Variants in DPP10 observed in about 807,000 individuals in gnomAD.
DPP10 encodes the protein inactive dipeptidyl peptidase 10.
In DPP10, 33 loss-of-function variants were observed where a neutral mutation model predicts 120.9. The ratio of observed to expected loss-of-function variants is 0.27; its 90% CI spans 0.21 to 0.37. DPP10 has a LOEUF of 0.37. Ranked by LOEUF, DPP10 falls within the 10% of genes least tolerant of loss-of-function variation. The pLI is 1.00. For missense variants in DPP10, 816 were observed against 942.8 expected (o/e 0.87, Z 1.76); for synonymous variants, 337 against 326.1 (o/e 1.03, Z -0.36).
At chr2:115,321,395 C>T (rs7605036) in intron 2 of DPP10, among the ~76,000 whole-genome samples, 119,606 of 152,082 alleles carry the variant, frequency 0.79, 47,300 homozygotes, top group Non-Finnish European at 0.83. Context: ...TCCTGTTAAA[C>T]TTATTGAGAA....
chr2:115,511,731 C>CTTCT (rs1553436011), intron 4 of DPP10, among the ~76,000 whole-genome samples: 59 of 82,608 alleles, frequency 7.1e-4, no homozygotes, highest in African/African-American at 1.9e-3. Context: ...TCTTCTTCTT[C>CTTCT]TTTTTTTTTT....
At chr2:115,077,760 T>C (rs568862386) in intron 1 of DPP10, among the ~76,000 whole-genome samples, 1 of 152,356 alleles carries the variant, frequency 6.6e-6, no homozygotes, top group East Asian at 1.9e-4. Context: ...CCATCAAGAT[T>C]TCCCTGACTC....
At chr2:114,505,326 T>C (rs1319781405) in intron 1 of DPP10, among the ~76,000 whole-genome samples, 27 of 152,030 alleles carry the variant, frequency 1.8e-4, no homozygotes, top group Admixed American at 1.8e-3. Context: ...TGGGGAAAAC[T>C]AGTAGAAGAT....
chr2:115,166,525 A>ATT (rs2052870990), intron 1 of DPP10, among the ~76,000 whole-genome samples: 2 of 139,040 alleles, frequency 1.4e-5, no homozygotes, highest in African/African-American at 2.7e-5. Flanking sequence ...TATAATATAA[A>ATT]TATATATATA....
rs544267863 is a variant in DPP10 at position 115,474,701 on chromosome 2, G to A, written c.272-24809G>A. On this transcript the variant is annotated intron_variant, in intron 3 of 25. Transcript: ENST00000410059. ...AAGAAAAACAGAGTGTAAAAGATTG[G>A]ACAATCTGCACCCTGACCATGTGAT... Among the ~76,000 whole-genome samples, 4 of 148,682 alleles carry A rather than the reference G, an allele frequency of 2.7e-5. No homozygotes were observed. In the South Asian group the frequency reaches 8.6e-4, roughly 32 times the overall value.
intron 1 of DPP10, among the ~76,000 whole-genome samples, chr2:115,031,969 A>C (rs1440066341): frequency 6.6e-6 from 1 of 152,182 alleles, no homozygotes; most frequent in African/African-American, 2.4e-5. Flanking sequence ...GTTTACTATG[A>C]TGGTTGAACA....
At chr2:114,914,636 T>C (rs142710092) in intron 1 of DPP10, among the ~76,000 whole-genome samples, 2 of 152,260 alleles carry the variant, frequency 1.3e-5, no homozygotes, top group Non-Finnish European at 2.9e-5. Flanking sequence ...AAAGCTACTG[T>C]ACAATAAAGT....
At chr2:114,986,000 A>G (rs1700370866) in intron 1 of DPP10, among the ~76,000 whole-genome samples, 1 of 152,228 alleles carries the variant, frequency 6.6e-6, no homozygotes, top group South Asian at 2.1e-4. Context: ...CAGATTAACT[A>G]AAGATATACT....
At position 115,244,372 on chromosome 2, in the gene DPP10, C is replaced by CAAAATATTT. The variant is rs989701521; in HGVS notation, c.61-64866_61-64858dup. On this transcript the variant is annotated intron_variant, in intron 1 of 25. Transcript: ENST00000410059. The stretch of plus-strand genomic sequence containing the variant: ...TGCTATAGTTAAGCCATAATCATAG[C>CAAAATATTT]AAAATATTTCACCAAGATGAAAGGA... 6.6e-5 allele frequency among the ~76,000 whole-genome samples: 10 copies of CAAAATATTT among 150,676 alleles called. No homozygotes were observed. The East Asian group carries it at 2.0e-3, about 29-fold the overall frequency.
chr2:114,618,233 G>T (rs1693823013), intron 1 of DPP10, among the ~76,000 whole-genome samples: 1 of 151,978 alleles, frequency 6.6e-6, no homozygotes, highest in African/African-American at 2.4e-5. Flanking sequence ...AATGTCTCAT[G>T]CTTGTCATGT....
intron 1 of DPP10, among the ~76,000 whole-genome samples, chr2:115,236,826 C>G (rs1048023615): frequency 2.6e-5 from 4 of 152,120 alleles, no homozygotes; most frequent in Admixed American, 1.3e-4. Flanking sequence ...CTCATGGAGA[C>G]TAAGTAAGTT....
At position 115,299,680 on chromosome 2, in the gene DPP10, C is replaced by T. The variant is rs147223416; in HGVS notation, c.61-9559C>T. 2.0e-4 allele frequency among the ~76,000 whole-genome samples: 30 copies of T among 151,998 alleles called. 2 individuals carry two copies. The East Asian group carries it at 4.3e-3, about 22-fold the overall frequency. On this transcript the variant is annotated intron_variant, in intron 1 of 25. Transcript: ENST00000410059. The stretch of plus-strand genomic sequence containing the variant: ...TGTTTGTGTGCATGCAACATTTTTC[C>T]GTGAAATATAGTTTTGCTTCTGTAT...
At chr2:114,562,586 T>A (rs1318519604) in intron 1 of DPP10, among the ~76,000 whole-genome samples, 1 of 152,200 alleles carries the variant, frequency 6.6e-6, no homozygotes, top group Non-Finnish European at 1.5e-5. Context: ...CTCTAGCCCA[T>A]TTTACAGCCT....
intron 1 of DPP10, among the ~76,000 whole-genome samples, chr2:115,109,521 C>T (rs762477890): frequency 3.4e-5 from 5 of 147,760 alleles, no homozygotes; most frequent in Non-Finnish European, 5.9e-5. Context: ...GGCAACAGAG[C>T]GAGACTCCGT....
chr2:115,484,825 A>T (rs2075667787), intron 3 of DPP10, among the ~76,000 whole-genome samples: 1 of 152,168 alleles, frequency 6.6e-6, no homozygotes, highest in African/African-American at 2.4e-5. Flanking sequence ...AGCAATAAAT[A>T]GTCCTTTAGT....
At chr2:115,044,861 A>G (rs1704942704) in intron 1 of DPP10, among the ~76,000 whole-genome samples, 1 of 152,158 alleles carries the variant, frequency 6.6e-6, no homozygotes, top group Non-Finnish European at 1.5e-5. Context: ...CAAATAAGTG[A>G]CAGCATGCAG....
chr2:114,526,133 A>T (rs1685480051), intron 1 of DPP10, among the ~76,000 whole-genome samples: 1 of 152,196 alleles, frequency 6.6e-6, no homozygotes, highest in Non-Finnish European at 1.5e-5. Flanking sequence ...GATTGTGAAC[A>T]ATGCTTATTC....
At chr2:115,243,843 A>C (rs1379999543) in intron 1 of DPP10, among the ~76,000 whole-genome samples, 1 of 151,750 alleles carries the variant, frequency 6.6e-6, no homozygotes, top group African/African-American at 2.4e-5. Context: ...AGTGTTTTCA[A>C]ATATTGTTTA....
intron 1 of DPP10, among the ~76,000 whole-genome samples, chr2:115,073,796 A>C (rs1707565085): frequency 6.6e-6 from 1 of 152,216 alleles, no homozygotes; most frequent in South Asian, 2.1e-4. Context: ...ATGAAAGATA[A>C]TCTGTGTAGG....
Sources: allele counts gnomAD v4.1 joint callset (sites outside exome capture counted in the v4.1 genomes callset), GRCh38; gene constraint gnomAD v4.1.1; transcripts MANE v1.5; gene names NCBI Gene and HGNC (gene_info 2026-07-23, HGNC 2026-07-21).